The following CA10 variants were observed in gnomAD, a reference collection of about 807,000 sequenced individuals.
The protein encoded by CA10 is carbonic anhydrase-related protein 10.
Under a neutral mutation model 44.2 loss-of-function variants are expected in CA10, and 14 were observed. That is an observed-to-expected ratio of 0.32 (90% CI 0.21 to 0.50). The LOEUF (loss-of-function observed/expected upper bound fraction) is 0.50, where lower values mean the gene tolerates loss of function less well. Ranked by LOEUF, CA10 falls within the 20% of genes least tolerant of loss-of-function variation. CA10 has a pLI of 0.99. For missense variants in CA10, 350 were observed against 409.7 expected (o/e 0.85, Z 1.26); for synonymous variants, 159 against 141.6 (o/e 1.12, Z -0.87).
At chr17:51,754,599 T>C (rs1163671389) in intron 3 of CA10, among the ~76,000 whole-genome samples, 1 of 151,760 alleles carries the variant, frequency 6.6e-6, no homozygotes, top group Non-Finnish European at 1.5e-5. Context: ...GAGGTCAGTC[T>C]TTTTGATCTC....
At chr17:51,835,510 G>A (rs533623963) in intron 3 of CA10, among the ~76,000 whole-genome samples, 1 of 152,318 alleles carries the variant, frequency 6.6e-6, no homozygotes, top group South Asian at 2.1e-4. Context: ...CTGCTACATG[G>A]TGAGTTCAGT....
rs146496706 is a variant in CA10 at position 51,898,446 on chromosome 17, G to A, written c.279+32544C>T. On this transcript the variant is annotated intron_variant, in intron 3 of 8. Transcript: ENST00000451037. ...AGTTTTTTGATGTGCTGCTGGGTTT[G>A]GTTTGCCAGTATTTTGTTGACGATT... 9.0e-3 allele frequency among the ~76,000 whole-genome samples: 1,371 copies of A among 152,096 alleles called. 12 individuals are homozygous for A. The highest frequency in any genetic ancestry group is 0.014 in the Non-Finnish European group (978 of 67,958).
At chr17:51,967,989 T>C (rs1984143948) in intron 2 of CA10, among the ~76,000 whole-genome samples, 1 of 151,734 alleles carries the variant, frequency 6.6e-6, no homozygotes, top group African/African-American at 2.4e-5. Context: ...GTATAAGTAA[T>C]CTAATCACAT....
At chr17:51,970,356 C>T (rs1292155680) in intron 2 of CA10, among the ~76,000 whole-genome samples, 1 of 143,530 alleles carries the variant, frequency 7.0e-6, no homozygotes, top group Non-Finnish European at 1.5e-5. Context: ...AAAAGTCCTC[C>T]ACAAAGTAAA....
chr17:51,783,553 G>C (rs1284545732), intron 3 of CA10, among the ~76,000 whole-genome samples: 1 of 152,034 alleles, frequency 6.6e-6, no homozygotes, highest in African/African-American at 2.4e-5. Context: ...TCCAATCCAG[G>C]CTTTTTCTAT....
At chr17:52,001,176 C>A (rs74896598) in intron 2 of CA10, among the ~76,000 whole-genome samples, 2,908 of 151,932 alleles carry the variant, frequency 0.019, 44 homozygotes, top group Non-Finnish European at 0.03. Context: ...TTCTGTGTGG[C>A]CTATGAGGTA....
At position 51,747,616 on chromosome 17, in the gene CA10, T is replaced by C. The variant is rs867524332; in HGVS notation, c.465+17A>G. On this transcript the variant is annotated intron_variant, in intron 4 of 8. Coordinates refer to ENST00000451037, the MANE Select transcript of CA10 (RefSeq NM_020178.5). ...TAAGTTGACATTTAACCTTAGTACTTTGACAGACTAACATACCTCCCCAGA... is the reference window on the plus strand; with the variant it reads ...TAAGTTGACATTTAACCTTAGTACTCTGACAGACTAACATACCTCCCCAGA... 1.5e-5 allele frequency: 24 copies of C among 1,596,542 alleles called. No individual in the cohort carries two copies. In the Middle Eastern group the frequency reaches 2.9e-3, roughly 190 times the overall value.
At chr17:52,159,930 G>T (rs1290021230), upstream of CA10, 1 of 152,108 alleles carries the variant, frequency 6.6e-6, no homozygotes, top group Non-Finnish European at 1.5e-5. Flanking sequence ...CTACCTCTTT[G>T]GGGTTATTGA....
chr17:51,675,577 G>T (rs1358205396), intron 4 of CA10, among the ~76,000 whole-genome samples: 1 of 150,130 alleles, frequency 6.7e-6, no homozygotes, highest in Admixed American at 6.7e-5. Flanking sequence ...TTAGCCAGGT[G>T]TGGTGGCAGG....
At chr17:51,884,683 C>T (rs998390644) in intron 3 of CA10, among the ~76,000 whole-genome samples, 3 of 150,518 alleles carry the variant, frequency 2.0e-5, no homozygotes, top group Non-Finnish European at 2.9e-5. Flanking sequence ...TTAGCACAAA[C>T]TGGGAGGCTT....
intron 4 of CA10, among the ~76,000 whole-genome samples, chr17:51,705,188 C>T (rs771909513): frequency 6.6e-6 from 1 of 152,084 alleles, no homozygotes; most frequent in Non-Finnish European, 1.5e-5. Context: ...ACAAGGCTTC[C>T]GTGTGGCCCA....
intron 7 of CA10, 97 bp downstream of exon 7, chr17:51,635,758 G>A (rs1200358245): frequency 1.1e-6 from 1 of 912,318 alleles, no homozygotes; most frequent in African/African-American, 1.7e-5. Context: ...TTGTTATAGT[G>A]GTCCTAGTAA....
chr17:52,001,765 C>T (rs1404827416), intron 2 of CA10, among the ~76,000 whole-genome samples: 1 of 151,970 alleles, frequency 6.6e-6, no homozygotes, highest in African/African-American at 2.4e-5. Context: ...CAAAACTATC[C>T]TGCCTGAAGC....
intron 3 of CA10, among the ~76,000 whole-genome samples, chr17:51,800,556 A>T (rs1906888189): frequency 1.3e-5 from 2 of 152,226 alleles, no homozygotes; most frequent in Admixed American, 1.3e-4. Context: ...GTTACTCAGC[A>T]CAGTACCTTA....
intron 3 of CA10, among the ~76,000 whole-genome samples, chr17:51,919,771 C>G (rs778989964): frequency 1.3e-5 from 2 of 152,164 alleles, no homozygotes; most frequent in Non-Finnish European, 2.9e-5. Flanking sequence ...CCTGCCTCAG[C>G]CTCCCGAGTA....
chr17:52,020,177 G>A (rs541691022), intron 2 of CA10, among the ~76,000 whole-genome samples: 55 of 151,730 alleles, frequency 3.6e-4, no homozygotes, highest in African/African-American at 1.2e-3. Flanking sequence ...AATATTTTTT[G>A]CCTTAAATCT....
chr17:52,027,808 TCA>T (rs1986348388), intron 2 of CA10, among the ~76,000 whole-genome samples: 1 of 152,070 alleles, frequency 6.6e-6, no homozygotes, highest in African/African-American at 2.4e-5. Flanking sequence ...AAGCTGTGAG[TCA>T]CAGTTGAGTA....
At chr17:51,802,958 C>G (rs915156537) in intron 3 of CA10, among the ~76,000 whole-genome samples, 1 of 152,146 alleles carries the variant, frequency 6.6e-6, no homozygotes, top group Non-Finnish European at 1.5e-5. Flanking sequence ...TGCGGAGTAG[C>G]AGACAGCAAG....
chr17:51,790,090 A>G (rs1376217735), intron 3 of CA10, among the ~76,000 whole-genome samples: 1 of 152,180 alleles, frequency 6.6e-6, no homozygotes, highest in Non-Finnish European at 1.5e-5. Flanking sequence ...GGGAGGAGCC[A>G]TCGTGCATCA....
Sources: gnomAD v4.1 joint callset for allele counts (sites outside exome capture counted in the v4.1 genomes callset) on GRCh38, gnomAD v4.1.1 for gene constraint, MANE v1.5 for transcripts, NCBI Gene and HGNC (gene_info 2026-07-23, HGNC 2026-07-21) for gene names.